Variants in MARF1 observed in about 807,000 individuals in gnomAD.
MARF1 encodes the protein limkain-b1.
Under a neutral mutation model 168.2 loss-of-function variants are expected in MARF1, and 24 were observed. The observed-to-expected ratio is 0.14, with a 90% CI of 0.10 to 0.20. MARF1 has a LOEUF of 0.20. Ranked by LOEUF, MARF1 falls within the 10% of genes least tolerant of loss-of-function variation. MARF1 has a pLI of 1.00. For missense variants in MARF1, 1,744 were observed against 2,143.6 expected (o/e 0.81, Z 3.68); for synonymous variants, 868 against 822.4 (o/e 1.06, Z -0.95).
At position 15,634,945 on chromosome 16, in the gene MARF1, T is replaced by A; in HGVS notation, c.832-14A>T. The A allele has an allele frequency of 6.2e-7, 1 of 1,608,896 alleles. No individual in the cohort carries two copies. ...ATTTCTTGCTGGCTGTTTTAAATTTTTTTTAAAAAGGAGGAGGTGTCAGAT... is the reference window on the plus strand; with the variant it reads ...ATTTCTTGCTGGCTGTTTTAAATTTATTTTAAAAAGGAGGAGGTGTCAGAT... On this transcript the variant is annotated splice_polypyrimidine_tract_variant and intron_variant, in intron 3 of 26. Coordinates refer to ENST00000396368, the MANE Select transcript of MARF1 (RefSeq NM_014647.4).
chr16:15,611,158 G>C lies in MARF1; in HGVS notation c.3618-50C>G, dbSNP rs28509427. ...TACGGAATGAGTAGTATCATCGGTAGAAGAACTACAAGTTTTCCGGCCGGG... is the reference window on the plus strand; with the variant it reads ...TACGGAATGAGTAGTATCATCGGTACAAGAACTACAAGTTTTCCGGCCGGG... On this transcript the variant is annotated intron_variant, in intron 18 of 26. Coordinates refer to ENST00000396368, the MANE Select transcript of MARF1 (RefSeq NM_014647.4). 3.8e-6 allele frequency: 6 copies of C among 1,586,544 alleles called. No homozygotes were observed. In the Admixed American group the frequency reaches 8.5e-5, roughly 23 times the overall value.
chr16:15,617,383 G>A lies in MARF1; in HGVS notation c.2873C>T (p.Ser958Phe). 2 of 1,614,188 alleles carry A rather than the reference G, an allele frequency of 1.2e-6. No homozygotes were observed. The highest frequency in any genetic ancestry group is 1.7e-6 in the Non-Finnish European group (2 of 1,180,034). ...LGSSQSHDGS[S>F]TNCSPIIFEE... ...AAATATAATTGGGCTGCAATTCGTG[G>A]AGGAGCCGTCGTGTGACTGGGAAGA... The change falls in exon 14 of 27, where the codon TCC (serine) becomes TTC (phenylalanine). Residue 958 changes from serine to phenylalanine, a missense_variant. By Grantham distance (155) the Ser-to-Phe change is radical (BLOSUM62 -2). Coordinates refer to ENST00000396368, the MANE Select transcript of MARF1 (RefSeq NM_014647.4).
At chr16:15,601,226 G>C (rs1239849786) in intron 23 of MARF1, 1 of 376,746 alleles carries the variant, frequency 2.7e-6, no homozygotes, top group African/African-American at 2.1e-5. Context: ...ACTGATCTCA[G>C]CTCCCAGGCA....
At position 15,599,168 on chromosome 16, in the gene MARF1, AAAAAAAAC is replaced by A. The variant is rs1303901045; in HGVS notation, c.4814-152_4814-145del. 697 of 788,954 alleles carry A rather than the reference AAAAAAAAC, an allele frequency of 8.8e-4. 4 individuals are homozygous for A. In the African/African-American group the frequency reaches 0.012, roughly 14 times the overall value. The allele number at this position is 788,954 out of a possible 1,614,324, so 48.9% of individuals were successfully genotyped here. ...ATTTAAGGTATTAAAAAAAAAAAAAAAAAAAAACAAAAACCCAAAACCCACTAACAGGA... is the reference window on the plus strand; with the variant it reads ...ATTTAAGGTATTAAAAAAAAAAAAAAAAAAACCCAAAACCCACTAACAGGA... On this transcript the variant is annotated intron_variant, in intron 25 of 26. Transcript: ENST00000396368.
intron 1 of MARF1, among the ~76,000 whole-genome samples, chr16:15,639,805 G>T (rs1407876843): frequency 6.6e-6 from 1 of 152,158 alleles, no homozygotes; most frequent in Admixed American, 6.5e-5. Flanking sequence ...GGTAAACTTG[G>T]TTGACTGTTT....
chr16:15,604,445 C>T (rs777153390), intron 21 of MARF1, 47 bp from the exon 22 acceptor site: 4 of 1,368,572 alleles, frequency 2.9e-6, no homozygotes, highest in South Asian at 2.4e-5. Flanking sequence ...AGAGAGACAC[C>T]CTAGGTTATA....
At chr16:15,630,236 C>T in intron 7 of MARF1, 96 bp downstream of exon 7, 1 of 1,119,702 alleles carries the variant, frequency 8.9e-7, no homozygotes, top group Non-Finnish European at 1.3e-6. Flanking sequence ...CAAAGAACAG[C>T]CCCATCTGGG....
intron 1 of MARF1, among the ~76,000 whole-genome samples, chr16:15,639,693 G>A (rs575608990): frequency 7.9e-5 from 12 of 152,150 alleles, no homozygotes; most frequent in Non-Finnish European, 1.5e-4. Flanking sequence ...TAGCCACTGC[G>A]CCCGGCCAAC....
At chr16:15,626,989 A>G (rs576902868) in intron 7 of MARF1, among the ~76,000 whole-genome samples, 5 of 151,110 alleles carry the variant, frequency 3.3e-5, no homozygotes, top group East Asian at 1.9e-4. Context: ...AAAGAAAGAA[A>G]GAAGGAAGTA....
At chr16:15,624,073 G>A (rs2034663875) in intron 10 of MARF1, among the ~76,000 whole-genome samples, 1 of 151,948 alleles carries the variant, frequency 6.6e-6, no homozygotes, top group Non-Finnish European at 1.5e-5. Context: ...TACCACGCCC[G>A]GCTAATTTTT....
chr16:15,626,111 T>A lies in MARF1; in HGVS notation c.1525-311A>T, dbSNP rs527939631. 7.2e-5 allele frequency among the ~76,000 whole-genome samples: 11 copies of A among 151,970 alleles called. 1 individual carries two copies. The highest frequency in any genetic ancestry group is 7.2e-4 in the Admixed American group (11 of 15,272). On this transcript the variant is annotated intron_variant, in intron 7 of 26. Transcript: ENST00000396368. ...CTGCACTCCACTCTGAGTGACAGAG[T>A]GAGACACTGTCTCAAAAAATAAAAA...
At chr16:15,626,276 A>C (rs1034650212) in intron 7 of MARF1, among the ~76,000 whole-genome samples, 1 of 152,268 alleles carries the variant, frequency 6.6e-6, no homozygotes, top group East Asian at 1.9e-4. Flanking sequence ...ATAAATTAGC[A>C]TAATAGATTT....
At position 15,635,828 on chromosome 16, in the gene MARF1, G is replaced by A; in HGVS notation, c.659C>T (p.Ser220Phe). The change falls in exon 3 of 27, where the codon TCC becomes TTC. Residue 220 changes from serine to phenylalanine, a missense_variant. Physicochemically the swap from Ser to Phe is radical, Grantham distance 155 (BLOSUM62 -2). Transcript: ENST00000396368. ...HQFPSLQGCT[S>F]AGYFPCSDFT... ...ATCAGAACAGGGGAAATAGCCAGCGGAGGTGCAGCCCTGCAGACTCGGAAA... is the reference window on the plus strand; with the variant it reads ...ATCAGAACAGGGGAAATAGCCAGCGAAGGTGCAGCCCTGCAGACTCGGAAA... 4.3e-6 allele frequency: 7 copies of A among 1,614,230 alleles called. No homozygotes were observed. Among genetic ancestry groups the A allele is most frequent in the Non-Finnish European group, 5.9e-6 (7 of 1,180,050 alleles).
At chr16:15,616,959 C>G in intron 15 of MARF1, 93 bp downstream of exon 15, 1 of 1,463,118 alleles carries the variant, frequency 6.8e-7, no homozygotes, top group South Asian at 1.3e-5. Context: ...TTGTAGAGTA[C>G]TTATTTGTAA....
At chr16:15,633,384 A>G (rs891304050) in intron 5 of MARF1, among the ~76,000 whole-genome samples, 1 of 152,012 alleles carries the variant, frequency 6.6e-6, no homozygotes, top group African/African-American at 2.4e-5. Flanking sequence ...TCGTCTCTAC[A>G]AAAAATAAAA....
chr16:15,636,915 C>G (rs985664140), intron 2 of MARF1, among the ~76,000 whole-genome samples: 2 of 152,102 alleles, frequency 1.3e-5, no homozygotes, highest in Non-Finnish European at 2.9e-5. Flanking sequence ...ATATCATGAC[C>G]TAAAGCCATA....
At chr16:15,609,491 A>G (rs754773667) in intron 20 of MARF1, 32 bp downstream of exon 20, 48 of 1,567,138 alleles carry the variant, frequency 3.1e-5, no homozygotes, top group Non-Finnish European at 3.9e-5. Context: ...GTTCAGAAAA[A>G]TACTTTATAA....
chr16:15,636,385 C>T (rs199723422), intron 2 of MARF1, 43 bp from the exon 3 acceptor site: 87 of 1,479,490 alleles, frequency 5.9e-5, no homozygotes, highest in Non-Finnish European at 7.2e-5. Context: ...TTATGAGGTC[C>T]GTGGTTTTTT....
intron 23 of MARF1, 84 bp from the exon 24 acceptor site, chr16:15,600,785 A>G: frequency 7.1e-7 from 1 of 1,404,392 alleles, no homozygotes; most frequent in Non-Finnish European, 1.0e-6. Context: ...TGACCTACGG[A>G]GCCTGCCTTA....
Sources: allele counts gnomAD v4.1 joint callset (sites outside exome capture counted in the v4.1 genomes callset), GRCh38; gene constraint gnomAD v4.1.1; transcripts MANE v1.5; gene names NCBI Gene and HGNC (gene_info 2026-07-23, HGNC 2026-07-21).